Variants in TEAD1 observed in about 807,000 individuals in gnomAD.
TEAD1 encodes the protein TEA domain transcription factor 1, also known as transcriptional enhancer factor TEF-1.
In TEAD1, 9 loss-of-function variants were observed where a neutral mutation model predicts 54.9. The observed-to-expected ratio is 0.16, with a 90% CI of 0.10 to 0.29. The LOEUF is 0.29. TEAD1 is among the 10% of genes least tolerant of loss of function. The probability of loss-of-function intolerance (pLI) is 1.00; values close to 1 mark genes in which losing one functional copy is unlikely to be tolerated. For synonymous variants in TEAD1, 200 were observed against 187.8 expected, an observed-to-expected ratio of 1.07 and a Z score of -0.53; for missense variants, 387 against 535.9, an observed-to-expected ratio of 0.72 and a Z score of 2.74.
chr11:12,855,328 T>C (rs1023491110), intron 3 of TEAD1, among the ~76,000 whole-genome samples: 7 of 152,132 alleles, frequency 4.6e-5, no homozygotes, highest in African/African-American at 9.7e-5. Context: ...TCTCGCTCTG[T>C]CATCAGGCTA....
intron 4 of TEAD1, chr11:12,864,543 G>A (rs1477509778): frequency 1.3e-5 from 7 of 529,070 alleles, no homozygotes; most frequent in East Asian, 4.8e-5. Context: ...GAGCTTTGTT[G>A]AGATGCAAAT....
chr11:12,865,510 A>G (rs905835700), intron 5 of TEAD1: 2 of 152,562 alleles, frequency 1.3e-5, no homozygotes, highest in African/African-American at 4.8e-5. Context: ...ATTAAAAGAG[A>G]AATCTGAGCA....
At chr11:12,916,453 A>G (rs958964653) in intron 10 of TEAD1, among the ~76,000 whole-genome samples, 1 of 152,174 alleles carries the variant, frequency 6.6e-6, no homozygotes, top group African/African-American at 2.4e-5. Flanking sequence ...CTCTGTCTTC[A>G]TCTCTATTGT....
intron 3 of TEAD1, among the ~76,000 whole-genome samples, chr11:12,776,515 A>G (rs1280449125): frequency 6.6e-6 from 1 of 152,098 alleles, no homozygotes. Flanking sequence ...CTTTGGACAG[A>G]GGTGGGTAGA....
chr11:12,678,527 C>T (rs1418764242), intron 2 of TEAD1, among the ~76,000 whole-genome samples: 1 of 152,170 alleles, frequency 6.6e-6, no homozygotes, highest in African/African-American at 2.4e-5. Context: ...CTTTCATATT[C>T]ATAAAAGTGA....
chr11:12,725,385 G>C (rs1944291700), intron 2 of TEAD1, among the ~76,000 whole-genome samples: 1 of 152,182 alleles, frequency 6.6e-6, no homozygotes, highest in Non-Finnish European at 1.5e-5. Flanking sequence ...CTCTTCAAGA[G>C]TCATGTGAGA....
intron 2 of TEAD1, among the ~76,000 whole-genome samples, chr11:12,706,208 A>G (rs1269593948): frequency 1.3e-5 from 2 of 152,242 alleles, no homozygotes; most frequent in African/African-American, 4.8e-5. Context: ...TATAAGATAC[A>G]TTTTAACAGT....
intron 2 of TEAD1, among the ~76,000 whole-genome samples, chr11:12,684,964 T>A (rs117214501): frequency 3.4e-3 from 524 of 152,344 alleles, no homozygotes; most frequent in Non-Finnish European, 5.5e-3. Context: ...GAGTTCCTTC[T>A]GGAAGCTGGT....
chr11:12,796,740 T>A (rs980411593), intron 3 of TEAD1, among the ~76,000 whole-genome samples: 12 of 149,324 alleles, frequency 8.0e-5, no homozygotes, highest in South Asian at 4.2e-4. Context: ...AAAAAAAAAA[T>A]TTAGCAATTC....
At chr11:12,854,684 T>G (rs954658294) in intron 3 of TEAD1, among the ~76,000 whole-genome samples, 29 of 151,812 alleles carry the variant, frequency 1.9e-4, no homozygotes, top group Non-Finnish European at 3.1e-4. Flanking sequence ...CTTGAACTCC[T>G]GGGTTCAAGC....
rs559582514 is a variant in TEAD1 at position 12,739,765 on chromosome 11, A to G, written c.-54-24414A>G. On this transcript the variant is annotated intron_variant, in intron 2 of 12. Transcript: ENST00000527636. ...TTGTCCCTCTCTCCCTCTGTTACTG[A>G]TTACATGTTAGGTGCCAGACATCGG... Among the ~76,000 whole-genome samples the G allele has an allele frequency of 4.7e-4, 71 of 152,208 alleles. No individual in the cohort carries two copies. The Middle Eastern group carries it at 0.014, about 29-fold the overall frequency.
chr11:12,915,955 T>C (rs1948704968), intron 10 of TEAD1, among the ~76,000 whole-genome samples: 1 of 152,192 alleles, frequency 6.6e-6, no homozygotes, highest in Non-Finnish European at 1.5e-5. Context: ...GTGGAAGTAA[T>C]GAGTATAAGA....
chr11:12,872,099 T>G (rs1042832982), intron 5 of TEAD1, among the ~76,000 whole-genome samples: 1 of 152,204 alleles, frequency 6.6e-6, no homozygotes, highest in Non-Finnish European at 1.5e-5. Flanking sequence ...GAGCTTAAAG[T>G]TCAAATTGTT....
At chr11:12,781,240 C>T (rs1366035034) in intron 3 of TEAD1, among the ~76,000 whole-genome samples, 2 of 152,098 alleles carry the variant, frequency 1.3e-5, no homozygotes, top group East Asian at 3.9e-4. Flanking sequence ...GAAGGAAATA[C>T]AGGAATGAGT....
chr11:12,853,126 G>A (rs752261985), intron 3 of TEAD1, among the ~76,000 whole-genome samples: 7 of 152,148 alleles, frequency 4.6e-5, no homozygotes, highest in Non-Finnish European at 1.0e-4. Flanking sequence ...TTTCAGGCAC[G>A]TTTCAGGTGA....
At chr11:12,800,825 G>A (rs773358844) in intron 3 of TEAD1, among the ~76,000 whole-genome samples, 1 of 152,194 alleles carries the variant, frequency 6.6e-6, no homozygotes, top group Non-Finnish European at 1.5e-5. Context: ...CACAAGGCTA[G>A]TCTCATAGAT....
chr11:12,878,035 G>A (rs1947890209), intron 5 of TEAD1, among the ~76,000 whole-genome samples: 2 of 151,770 alleles, frequency 1.3e-5, no homozygotes, highest in South Asian at 4.2e-4. Flanking sequence ...TTGAACTCCT[G>A]GGCCCAAGTA....
intron 12 of TEAD1, among the ~76,000 whole-genome samples, chr11:12,936,414 C>T (rs1014020757): frequency 1.4e-4 from 22 of 152,174 alleles, no homozygotes; most frequent in Non-Finnish European, 1.6e-4. Context: ...CCCACTGTTC[C>T]TTGATTCAGC....
At chr11:12,934,540 A>C (rs1427268051) in intron 12 of TEAD1, among the ~76,000 whole-genome samples, 1 of 152,024 alleles carries the variant, frequency 6.6e-6, no homozygotes, top group Non-Finnish European at 1.5e-5. Context: ...TTAAAGTATA[A>C]TAAAAAATAA....
Sources: allele counts gnomAD v4.1 joint callset (sites outside exome capture counted in the v4.1 genomes callset), GRCh38; gene constraint gnomAD v4.1.1; transcripts MANE v1.5; gene names NCBI Gene and HGNC (gene_info 2026-07-23, HGNC 2026-07-21).